GABRG3: variants seen among roughly 807,000 people sequenced by gnomAD.
GABRG3 encodes gamma-aminobutyric acid receptor subunit gamma-3.
A neutral mutation model predicts 48.8 loss-of-function variants in GABRG3; 25 were observed. The observed-to-expected ratio is 0.51, with a 90% CI of 0.37 to 0.72. The LOEUF is 0.72. GABRG3 is among the 30% of genes least tolerant of loss of function. The pLI is 0.00. For synonymous variants in GABRG3, 227 were observed against 217.6 expected (o/e 1.04, Z -0.38); for missense variants, 394 against 577.9 (o/e 0.68, Z 3.26).
chr15:27,103,831 C>G (rs1232318453), intron 3 of GABRG3, among the ~76,000 whole-genome samples: 1 of 152,144 alleles, frequency 6.6e-6, no homozygotes, highest in Non-Finnish European at 1.5e-5. Flanking sequence ...TGGGGCATAT[C>G]CACCCACAGT....
intron 3 of GABRG3, among the ~76,000 whole-genome samples, chr15:27,045,143 A>C (rs1423099463): frequency 6.6e-6 from 1 of 152,218 alleles, no homozygotes; most frequent in Admixed American, 6.5e-5. Flanking sequence ...GTGGAATGAG[A>C]AGCTCTGAAG....
intron 3 of GABRG3, among the ~76,000 whole-genome samples, chr15:27,291,959 G>T (rs1279394419): frequency 6.6e-6 from 1 of 152,164 alleles, no homozygotes; most frequent in Non-Finnish European, 1.5e-5. Flanking sequence ...TGCAAGGATA[G>T]AACAGGTTAC....
intron 5 of GABRG3, among the ~76,000 whole-genome samples, chr15:27,405,135 T>C (rs1358652708): frequency 6.6e-6 from 1 of 152,208 alleles, no homozygotes; most frequent in East Asian, 1.9e-4. Flanking sequence ...CATTCTTTGG[T>C]ACATAATTGT....
At position 27,525,238 on chromosome 15, in the gene GABRG3, G is replaced by T. The variant is rs111569373; in HGVS notation, c.866-2195G>T. 2.8e-3 allele frequency among the ~76,000 whole-genome samples: 431 copies of T among 152,004 alleles called. 3 individuals carry two copies. Among genetic ancestry groups the T allele is most frequent in the African/African-American group, 9.2e-3 (381 of 41,444 alleles). On this transcript the variant is annotated intron_variant, in intron 7 of 9. Coordinates refer to ENST00000615808, the MANE Select transcript of GABRG3 (RefSeq NM_033223.5). ...TTTTAGTTTGTGTTTAAATTAGGAG[G>T]TTTACTTCTGACTGCAGTAAGATGC... is the stretch of plus-strand genomic sequence containing the variant.
chr15:27,505,049 C>T lies in GABRG3; in HGVS notation c.713-14923C>T, dbSNP rs146279819. Among the ~76,000 whole-genome samples the T allele has an allele frequency of 2.0e-3, 304 of 152,248 alleles. 4 individuals are homozygous for T. Among genetic ancestry groups the T allele is most frequent in the African/African-American group, 6.6e-3 (274 of 41,578 alleles). The stretch of plus-strand genomic sequence containing the variant: ...CAGACTTGACCAGTTTTTCCACTAA[C>T]GTATTTTTTCTGTTCTAGGATCCAA... On this transcript the variant is annotated intron_variant, in intron 6 of 9. Transcript: ENST00000615808.
chr15:27,008,012 T>C (rs1408753251), intron 2 of GABRG3, among the ~76,000 whole-genome samples: 1 of 152,214 alleles, frequency 6.6e-6, no homozygotes, highest in African/African-American at 2.4e-5. Context: ...ATCTTCTCTT[T>C]CTGGAGCATA....
intron 5 of GABRG3, among the ~76,000 whole-genome samples, chr15:27,344,102 C>T (rs1894282867): frequency 6.6e-6 from 1 of 152,174 alleles, no homozygotes. Flanking sequence ...GAGAAACCAG[C>T]GAGGGTAGCA....
At chr15:27,109,877 G>C (rs953504070) in intron 3 of GABRG3, among the ~76,000 whole-genome samples, 7 of 151,926 alleles carry the variant, frequency 4.6e-5, no homozygotes, top group Non-Finnish European at 7.4e-5. Context: ...GCGAGACTGT[G>C]TCTCCAGTAA....
chr15:27,460,829 G>A (rs186459993), intron 5 of GABRG3, among the ~76,000 whole-genome samples: 4 of 152,260 alleles, frequency 2.6e-5, no homozygotes, highest in Admixed American at 6.5e-5. Flanking sequence ...TGTCCCTGAG[G>A]TCTGCCTTCC....
chr15:27,419,907 C>T (rs1888059212), intron 5 of GABRG3, among the ~76,000 whole-genome samples: 1 of 152,292 alleles, frequency 6.6e-6, no homozygotes, highest in East Asian at 1.9e-4. Flanking sequence ...AACAAAACTT[C>T]TTTGATGTCT....
chr15:27,499,901 A>G (rs1166309712), intron 6 of GABRG3, among the ~76,000 whole-genome samples: 1 of 152,258 alleles, frequency 6.6e-6, no homozygotes, highest in Middle Eastern at 3.4e-3. Flanking sequence ...TTGCCAGGCA[A>G]AGGCTGCCTC....
chr15:27,209,847 C>T (rs8027366), intron 3 of GABRG3, among the ~76,000 whole-genome samples: 9,592 of 152,278 alleles, frequency 0.063, 565 homozygotes, highest in East Asian at 0.16. Flanking sequence ...TCTTCTGAGA[C>T]CTCTCTCCTT....
intron 3 of GABRG3, among the ~76,000 whole-genome samples, chr15:27,199,291 A>C (rs28756948): frequency 0.056 from 8,574 of 152,214 alleles, 385 homozygotes; most frequent in East Asian, 0.16. Flanking sequence ...CTTTTAAATG[A>C]ATTTGTTCCT....
chr15:27,471,200 T>C (rs945908589), intron 5 of GABRG3, among the ~76,000 whole-genome samples: 1 of 152,066 alleles, frequency 6.6e-6, no homozygotes, highest in African/African-American at 2.4e-5. Flanking sequence ...AATCATAGGG[T>C]TGTGGAAAGT....
At chr15:27,156,690 GCTCA>G (rs1456029484) in intron 3 of GABRG3, among the ~76,000 whole-genome samples, 1 of 152,102 alleles carries the variant, frequency 6.6e-6, no homozygotes, top group Non-Finnish European at 1.5e-5. Flanking sequence ...ATTTTCCTCA[GCTCA>G]CTGTTTTCTT....
chr15:27,313,499 T>A (rs1427649192), intron 3 of GABRG3, among the ~76,000 whole-genome samples: 1 of 150,910 alleles, frequency 6.6e-6, no homozygotes, highest in Non-Finnish European at 1.5e-5. Flanking sequence ...AACACAAACG[T>A]ACAGAACATT....
intron 6 of GABRG3, among the ~76,000 whole-genome samples, chr15:27,496,550 C>T (rs1248379359): frequency 6.6e-6 from 1 of 152,134 alleles, no homozygotes. Flanking sequence ...TCATGTCTTT[C>T]CTCGGGTCCC....
chr15:27,216,576 C>T (rs76410507), intron 3 of GABRG3, among the ~76,000 whole-genome samples: 384 of 152,158 alleles, frequency 2.5e-3, no homozygotes, highest in African/African-American at 8.6e-3. Flanking sequence ...GCAAATCCAC[C>T]GCACATTTCT....
intron 3 of GABRG3, among the ~76,000 whole-genome samples, chr15:27,288,142 A>G (rs1007081196): frequency 1.3e-5 from 2 of 152,024 alleles, no homozygotes; most frequent in Non-Finnish European, 2.9e-5. Flanking sequence ...AGACATGTCT[A>G]CTTCTCAATC....
Sources: allele counts gnomAD v4.1 joint callset (sites outside exome capture counted in the v4.1 genomes callset), GRCh38; gene constraint gnomAD v4.1.1; transcripts MANE v1.5; gene names NCBI Gene and HGNC (gene_info 2026-07-23, HGNC 2026-07-21).